The following RGS6 variants were observed in gnomAD, a reference collection of about 807,000 sequenced individuals.
The protein encoded by RGS6 is regulator of G-protein signaling 6.
In RGS6, 30 loss-of-function variants were observed where a neutral mutation model predicts 78.5. That is an observed-to-expected ratio of 0.38 (90% CI 0.29 to 0.52). The LOEUF (loss-of-function observed/expected upper bound fraction) is 0.52, where lower values mean the gene tolerates loss of function less well. Ranked by LOEUF, RGS6 falls within the 20% of genes least tolerant of loss-of-function variation. The pLI is 0.85. For synonymous variants in RGS6, 206 were observed against 206.0 expected (o/e 1.00, Z 0.00); for missense variants, 495 against 609.7 (o/e 0.81, Z 1.98).
chr14:72,210,299 T>A (rs1279410251), intron 2 of RGS6, among the ~76,000 whole-genome samples: 1 of 152,210 alleles, frequency 6.6e-6, no homozygotes, highest in Non-Finnish European at 1.5e-5. Context: ...TCCTTTTTGC[T>A]GCTAGAGAGG....
chr14:72,423,465 C>T lies in RGS6; in HGVS notation c.185-31063C>T, dbSNP rs377655510. 1.9e-4 allele frequency among the ~76,000 whole-genome samples: 29 copies of T among 152,252 alleles called. 1 individual carries two copies. Among genetic ancestry groups the T allele is most frequent in the African/African-American group, 7.0e-4 (29 of 41,522 alleles). On this transcript the variant is annotated intron_variant, in intron 3 of 17. Coordinates refer to ENST00000553525, the MANE Select transcript of RGS6 (RefSeq NM_001204424.2). ...ATTGTGTAAAAAAAAATGTGGTACA[C>T]ATACACCATGGAATACTACACAGCC...
chr14:72,120,558 G>T (rs890749649), intron 2 of RGS6, among the ~76,000 whole-genome samples: 1 of 152,190 alleles, frequency 6.6e-6, no homozygotes, highest in Non-Finnish European at 1.5e-5. Context: ...TAACTGAAAA[G>T]CAGGATACCA....
chr14:71,977,057 C>T (rs1360768173), intron 2 of RGS6, among the ~76,000 whole-genome samples: 3 of 121,230 alleles, frequency 2.5e-5, no homozygotes, highest in Non-Finnish European at 5.5e-5. Context: ...GCATAAATGT[C>T]GTCTTTTGAG....
chr14:71,936,462 T>C (rs952486856), intron 1 of RGS6, among the ~76,000 whole-genome samples: 9 of 152,152 alleles, frequency 5.9e-5, no homozygotes, highest in Non-Finnish European at 5.9e-5. Flanking sequence ...ACACCCAGGA[T>C]CAATACTCTG....
chr14:72,426,318 A>C (rs1198437841), intron 3 of RGS6, among the ~76,000 whole-genome samples: 1 of 152,222 alleles, frequency 6.6e-6, no homozygotes, highest in East Asian at 1.9e-4. Context: ...ATAAAGAGTA[A>C]GACTGGCCAC....
At chr14:72,074,329 G>A (rs2094503983) in intron 2 of RGS6, among the ~76,000 whole-genome samples, 1 of 152,126 alleles carries the variant, frequency 6.6e-6, no homozygotes, top group Non-Finnish European at 1.5e-5. Flanking sequence ...CTGAGTAGCT[G>A]GGACTATAGG....
chr14:72,491,691 A>C (rs1250705019), intron 12 of RGS6, among the ~76,000 whole-genome samples: 1 of 152,204 alleles, frequency 6.6e-6, no homozygotes. Flanking sequence ...ATATTTCAAA[A>C]TTTAATAAAA....
intron 2 of RGS6, among the ~76,000 whole-genome samples, chr14:72,079,691 TC>T (rs1281533572): frequency 6.6e-6 from 1 of 152,168 alleles, no homozygotes; most frequent in African/African-American, 2.4e-5. Context: ...ATCTCCTCAG[TC>T]CCCTTACCTC....
intron 2 of RGS6, among the ~76,000 whole-genome samples, chr14:71,968,494 T>C (rs915293658): frequency 2.0e-5 from 3 of 152,220 alleles, no homozygotes; most frequent in Admixed American, 6.5e-5. Flanking sequence ...GCTCTTGTCA[T>C]AGGGATTTTA....
chr14:72,287,793 T>A (rs2062855011), intron 2 of RGS6, among the ~76,000 whole-genome samples: 2 of 152,216 alleles, frequency 1.3e-5, no homozygotes, highest in African/African-American at 4.8e-5. Context: ...CTTCTATACC[T>A]AGTTTGTTGA....
chr14:72,619,393 A>C, the RGS6 span: 388 of 1,535,776 alleles, frequency 2.5e-4, 1 homozygote, highest in African/African-American at 4.4e-3. Context: ...CGGCTTTAGT[A>C]GCAGCCCCTC....
At chr14:72,093,461 C>T (rs1051482930) in intron 2 of RGS6, among the ~76,000 whole-genome samples, 2 of 152,162 alleles carry the variant, frequency 1.3e-5, no homozygotes, top group Non-Finnish European at 2.9e-5. Flanking sequence ...CCAGGGTGGT[C>T]TTGAACTCCT....
intron 2 of RGS6, among the ~76,000 whole-genome samples, chr14:72,134,045 A>G (rs2096386157): frequency 6.6e-6 from 1 of 152,212 alleles, no homozygotes; most frequent in Non-Finnish European, 1.5e-5. Context: ...ATTCAAATTC[A>G]AAATGAAGCC....
intron 2 of RGS6, among the ~76,000 whole-genome samples, chr14:72,120,366 T>G (rs1374198568): frequency 1.3e-5 from 2 of 152,226 alleles, no homozygotes; most frequent in Non-Finnish European, 2.9e-5. Flanking sequence ...GGAATCATGA[T>G]GGGAAGAGTC....
At chr14:72,447,796 G>A (rs2095403967) in intron 3 of RGS6, among the ~76,000 whole-genome samples, 2 of 152,144 alleles carry the variant, frequency 1.3e-5, no homozygotes, top group Admixed American at 6.5e-5. Flanking sequence ...TCCACCTCGC[G>A]GGTTGAAGCA....
At position 72,248,647 on chromosome 14, in the gene RGS6, A is replaced by G. The variant is rs999249869; in HGVS notation, c.85-103448A>G. Among the ~76,000 whole-genome samples the G allele has an allele frequency of 3.9e-5, 6 of 152,226 alleles. No homozygotes were observed. In the East Asian group the frequency reaches 1.2e-3, roughly 29 times the overall value. The stretch of plus-strand genomic sequence containing the variant: ...TTCTTTGGTTACTTACCTCCAAATC[A>G]AAGCAATGTGCTGCAACTGAATCCA... On this transcript the variant is annotated intron_variant, in intron 2 of 17. Coordinates refer to ENST00000553525, the MANE Select transcript of RGS6 (RefSeq NM_001204424.2).
intron 13 of RGS6, among the ~76,000 whole-genome samples, chr14:72,502,490 G>A (rs141326132): frequency 0.011 from 1,723 of 152,314 alleles, 21 homozygotes; most frequent in Non-Finnish European, 0.016. Flanking sequence ...ACTGGGCCAG[G>A]CGCGGTGACT....
intron 2 of RGS6, among the ~76,000 whole-genome samples, chr14:72,028,877 T>C (rs1218148786): frequency 6.6e-6 from 1 of 152,218 alleles, no homozygotes; most frequent in Non-Finnish European, 1.5e-5. Context: ...TTTCTGACAG[T>C]TTCTCACCTG....
chr14:72,475,663 A>G (rs2096221722), intron 10 of RGS6, among the ~76,000 whole-genome samples: 2 of 152,130 alleles, frequency 1.3e-5, no homozygotes, highest in South Asian at 4.2e-4. Context: ...CAGGAGGCAG[A>G]GGTTGCAGTG....
Sources: allele counts gnomAD v4.1 joint callset (sites outside exome capture counted in the v4.1 genomes callset), GRCh38; gene constraint gnomAD v4.1.1; transcripts MANE v1.5; gene names NCBI Gene and HGNC (gene_info 2026-07-23, HGNC 2026-07-21).